The following CES5A variants were observed in gnomAD, a reference collection of about 807,000 sequenced individuals.
The protein encoded by CES5A is carboxylesterase 5A, also known as carboxylesterase 5.
In CES5A, 67 loss-of-function variants were observed where a neutral mutation model predicts 62.9. The ratio of observed to expected loss-of-function variants is 1.07; its 90% confidence interval spans 0.88 to 1.31. The LOEUF (loss-of-function observed/expected upper bound fraction) is 1.31, where lower values mean the gene tolerates loss of function less well. Among genes scored for constraint, CES5A ranks in the 50% most tolerant of loss-of-function variants. CES5A has a pLI of 0.00. For synonymous variants in CES5A, 296 were observed against 280.8 expected, an observed-to-expected ratio of 1.05 and a Z score of -0.54; for missense variants, 748 against 708.5, an observed-to-expected ratio of 1.06 and a Z score of -0.63.
At chr16:55,939,532 G>A (rs2034424785) in intron 2 of CES5A, among the ~76,000 whole-genome samples, 1 of 151,976 alleles carries the variant, frequency 6.6e-6, no homozygotes, top group African/African-American at 2.4e-5. Context: ...AGATGACATG[G>A]CCCCCTGACA....
upstream of CES5A, among the ~76,000 whole-genome samples, chr16:55,926,438 T>C (rs1395870457): frequency 2.0e-5 from 3 of 152,226 alleles, no homozygotes; most frequent in African/African-American, 7.2e-5. Context: ...ATGTCAGCCA[T>C]TTAGTCCATC....
chr16:55,854,276 C>T (rs1175212088), intron 9 of CES5A, among the ~76,000 whole-genome samples: 2 of 152,078 alleles, frequency 1.3e-5, no homozygotes, highest in Non-Finnish European at 2.9e-5. Flanking sequence ...CCTTCCATTC[C>T]TCTTGCACTT....
chr16:55,916,842 T>G (rs2034152613), intron 1 of CES5A, among the ~76,000 whole-genome samples: 1 of 152,312 alleles, frequency 6.6e-6, no homozygotes, highest in Non-Finnish European at 1.5e-5. Flanking sequence ...ACAGGCCTTC[T>G]CTTCCACTCC....
At chr16:55,917,782 A>T (rs1414907007) in intron 1 of CES5A, among the ~76,000 whole-genome samples, 6 of 152,178 alleles carry the variant, frequency 3.9e-5, no homozygotes, top group African/African-American at 7.2e-5. Context: ...GAGGGCATGA[A>T]CAGCAGGACA....
intron 2 of CES5A, among the ~76,000 whole-genome samples, chr16:55,949,478 G>C (rs1019552191): frequency 3.3e-5 from 5 of 152,212 alleles, no homozygotes. Context: ...AGCTGATCTA[G>C]GTGGCACATC....
intron 2 of CES5A, among the ~76,000 whole-genome samples, chr16:55,938,663 G>C (rs2034403760): frequency 7.1e-6 from 1 of 139,912 alleles, no homozygotes; most frequent in Admixed American, 7.5e-5. Context: ...TGTGAACCCG[G>C]GGGCAGAGCT....
chr16:55,939,533 C>A (rs1441106741), intron 2 of CES5A, among the ~76,000 whole-genome samples: 1 of 152,038 alleles, frequency 6.6e-6, no homozygotes, highest in Non-Finnish European at 1.5e-5. Context: ...GATGACATGG[C>A]CCCCTGACAC....
chr16:55,946,764 G>A (rs919447955), intron 2 of CES5A, among the ~76,000 whole-genome samples: 16 of 152,222 alleles, frequency 1.1e-4, no homozygotes, highest in Non-Finnish European at 5.9e-5. Context: ...GTTAACGGGG[G>A]CAGCTCTGCT....
intron 1 of CES5A, among the ~76,000 whole-genome samples, chr16:55,951,024 C>T (rs1411939561): frequency 2.1e-5 from 3 of 142,484 alleles, no homozygotes; most frequent in African/African-American, 7.8e-5. Flanking sequence ...ATGGCATGAA[C>T]CTGGGAGGTG....
At chr16:55,931,409 A>C (rs1369368181) in intron 2 of CES5A, among the ~76,000 whole-genome samples, 1 of 152,172 alleles carries the variant, frequency 6.6e-6, no homozygotes, top group East Asian at 1.9e-4. Context: ...CTGCCACAAC[A>C]CACGTGGACT....
intron 1 of CES5A, among the ~76,000 whole-genome samples, chr16:55,924,700 G>A (rs369087510): frequency 1.4e-4 from 22 of 151,994 alleles, no homozygotes; most frequent in Admixed American, 2.6e-4. Flanking sequence ...CTAAATCAGC[G>A]TGCTACTGGC....
At chr16:55,934,896 G>A (rs2034354127) in intron 2 of CES5A, among the ~76,000 whole-genome samples, 1 of 152,174 alleles carries the variant, frequency 6.6e-6, no homozygotes, top group African/African-American at 2.4e-5. Context: ...TGGCAGCCTA[G>A]AGACCCAAGA....
intron 2 of CES5A, among the ~76,000 whole-genome samples, chr16:55,936,074 A>C (rs574521947): frequency 2.6e-5 from 4 of 151,944 alleles, no homozygotes; most frequent in African/African-American, 4.8e-5. Flanking sequence ...CTTCCTCCTG[A>C]CTTCAGTTCG....
At chr16:55,879,957 A>G (rs1484071949), upstream of CES5A, among the ~76,000 whole-genome samples, 1 of 151,978 alleles carries the variant, frequency 6.6e-6, no homozygotes, top group Non-Finnish European at 1.5e-5. Context: ...TCCATGAAAA[A>G]CCACTTCTTC....
At chr16:55,908,789 ACTTGTAGGCCTGATTC>A (rs1288474404) in intron 1 of CES5A, among the ~76,000 whole-genome samples, 1 of 152,124 alleles carries the variant, frequency 6.6e-6, no homozygotes, top group South Asian at 2.1e-4. Flanking sequence ...AAGTACCTTG[ACTTGTAGGCCTGATTC>A]CCCAAATAGG....
At position 55,873,911 on chromosome 16, in the gene CES5A, A is replaced by T. The variant is rs760071414; in HGVS notation, c.200T>A (p.Leu67Gln). The change falls in exon 2 of 13, where the codon CTG becomes CAG. Residue 67 changes from leucine (L) to glutamine (Q), a missense_variant. Transcript: ENST00000290567. The stretch of plus-strand genomic sequence containing the variant: ...CGGGTTCGTAAATCGCAGGGATCCC[A>T]GCGGGGGAGCAGCAAAGGGGACTCC... ...FLGVPFAAPP[L>Q]GSLRFTNPQP... The T allele has an allele frequency of 5.6e-6, 9 of 1,613,912 alleles. No homozygotes were observed. The Admixed American group carries it at 1.0e-4, about 18-fold the overall frequency.
intron 1 of CES5A, among the ~76,000 whole-genome samples, chr16:55,882,375 C>T (rs1434118196): frequency 2.6e-5 from 4 of 152,166 alleles, no homozygotes; most frequent in Non-Finnish European, 5.9e-5. Flanking sequence ...GGGTTTAATT[C>T]CCTAATGTAG....
intron 2 of CES5A, among the ~76,000 whole-genome samples, chr16:55,945,400 G>A (rs72810547): frequency 0.039 from 5,953 of 152,352 alleles, 159 homozygotes; most frequent in Middle Eastern, 0.075. Flanking sequence ...GCTGCCTTCA[G>A]CTGTTCTTAC....
At chr16:55,854,593 G>C (rs2033202703) in intron 9 of CES5A, among the ~76,000 whole-genome samples, 1 of 114,468 alleles carries the variant, frequency 8.7e-6, no homozygotes, top group Non-Finnish European at 1.7e-5. Flanking sequence ...CCAGGCTAGA[G>C]TACAGTGGCG....
Sources: allele counts gnomAD v4.1 joint callset (sites outside exome capture counted in the v4.1 genomes callset), GRCh38; gene constraint gnomAD v4.1.1; transcripts MANE v1.5; gene names NCBI Gene and HGNC (gene_info 2026-07-23, HGNC 2026-07-21).